The following SPOCK3 variants were observed in gnomAD, a reference collection of about 807,000 sequenced individuals.
The protein encoded by SPOCK3 is SPARC (osteonectin), cwcv and kazal like domains proteoglycan 3, also known as testican-3.
SPOCK3 carries 30 observed loss-of-function variants against 56.6 expected under a neutral mutation model. That is an observed-to-expected ratio of 0.53 (90% CI 0.40 to 0.72). SPOCK3 has a LOEUF of 0.72. Ranked by LOEUF, SPOCK3 falls within the 30% of genes least tolerant of loss-of-function variation. The pLI, the probability that SPOCK3 is intolerant of heterozygous loss-of-function variation, is 0.00. For missense variants in SPOCK3, 527 were observed against 530.0 expected (o/e 0.99, Z 0.06); for synonymous variants, 196 against 183.3 (o/e 1.07, Z -0.56).
At chr4:167,096,313 A>C (rs1273878766) in intron 2 of SPOCK3, among the ~76,000 whole-genome samples, 1 of 151,978 alleles carries the variant, frequency 6.6e-6, no homozygotes, top group Non-Finnish European at 1.5e-5. Flanking sequence ...AATAGAATAC[A>C]ATACTTTCTC....
intron 7 of SPOCK3, among the ~76,000 whole-genome samples, chr4:166,788,888 T>A (rs1351396693): frequency 2.6e-5 from 4 of 152,068 alleles, no homozygotes; most frequent in East Asian, 3.8e-4. Context: ...GCTGGCTAAT[T>A]TTTAAAAGAT....
intron 3 of SPOCK3, among the ~76,000 whole-genome samples, chr4:167,020,891 G>T (rs955063461): frequency 1.3e-5 from 2 of 152,014 alleles, no homozygotes; most frequent in African/African-American, 4.8e-5. Context: ...TAAAGTTGAA[G>T]AAGATGGGTG....
At chr4:167,156,362 C>G (rs956680122) in intron 2 of SPOCK3, among the ~76,000 whole-genome samples, 4 of 152,120 alleles carry the variant, frequency 2.6e-5, no homozygotes, top group African/African-American at 9.7e-5. Flanking sequence ...TAACTTAGAA[C>G]GCTTCCAGAT....
intron 2 of SPOCK3, among the ~76,000 whole-genome samples, chr4:167,088,699 G>A (rs574254180): frequency 5.3e-5 from 8 of 152,086 alleles, no homozygotes; most frequent in African/African-American, 1.4e-4. Context: ...TCTTGACTTC[G>A]TGATCGGCCC....
intron 6 of SPOCK3, among the ~76,000 whole-genome samples, chr4:166,809,689 T>A (rs1290785818): frequency 6.6e-6 from 1 of 152,078 alleles, no homozygotes; most frequent in Non-Finnish European, 1.5e-5. Context: ...GTTGATATAA[T>A]AATCAACTGA....
chr4:167,202,747 T>C (rs1281355803), intron 2 of SPOCK3, among the ~76,000 whole-genome samples: 2 of 150,342 alleles, frequency 1.3e-5, no homozygotes, highest in African/African-American at 4.9e-5. Context: ...AATAAACTTA[T>C]GTGTATTCAA....
At chr4:166,884,030 T>C (rs558493511) in intron 6 of SPOCK3, among the ~76,000 whole-genome samples, 53 of 152,300 alleles carry the variant, frequency 3.5e-4, no homozygotes, top group African/African-American at 1.3e-3. Context: ...AGAAGCAGTA[T>C]ATAACTACAT....
At chr4:166,850,959 G>T (rs1300107097) in intron 6 of SPOCK3, among the ~76,000 whole-genome samples, 4 of 152,236 alleles carry the variant, frequency 2.6e-5, no homozygotes, top group African/African-American at 9.6e-5. Context: ...ACTGGGTGGA[G>T]CCCACAACAG....
In SPOCK3 at chr4:166,734,778, T is replaced by C; in HGVS notation, c.*143A>G. 1 of 705,048 alleles carries C rather than the reference T, an allele frequency of 1.4e-6. No homozygotes were observed. The highest frequency in any genetic ancestry group is 2.9e-5 in the Admixed American group (1 of 34,332). The allele number at this position is 705,048 out of a possible 1,614,324, so 43.7% of individuals were successfully genotyped here. ...ATTTAAACATAAAGTTCTATAACTT[T>C]AGCTGCAATTTTTCAAATAATTATA... On this transcript the variant is annotated 3_prime_UTR_variant, in exon 11 of 11. Transcript: ENST00000357545.
intron 3 of SPOCK3, among the ~76,000 whole-genome samples, chr4:167,048,082 A>G (rs1753881431): frequency 6.6e-6 from 1 of 152,188 alleles, no homozygotes; most frequent in African/African-American, 2.4e-5. Flanking sequence ...CCTGAGTTCC[A>G]TATATGGTTT....
intron 6 of SPOCK3, among the ~76,000 whole-genome samples, chr4:166,847,798 T>A (rs991451190): frequency 4.6e-5 from 7 of 151,148 alleles, no homozygotes; most frequent in Admixed American, 6.6e-5. Flanking sequence ...TAGGCAGAAA[T>A]TGCTCTATAT....
intron 4 of SPOCK3, among the ~76,000 whole-genome samples, chr4:166,971,857 A>C (rs573282198): frequency 7.2e-5 from 11 of 152,098 alleles, no homozygotes; most frequent in Non-Finnish European, 1.5e-4. Context: ...GATTACTACT[A>C]CTACTAAGGA....
intron 6 of SPOCK3, among the ~76,000 whole-genome samples, chr4:166,851,860 C>A (rs1319075573): frequency 1.3e-5 from 2 of 151,492 alleles, no homozygotes. Flanking sequence ...ATGTTTATTG[C>A]GGCATTATTC....
intron 5 of SPOCK3, among the ~76,000 whole-genome samples, chr4:166,911,527 ATGTTTT>A (rs1028476175): frequency 3.9e-5 from 6 of 151,916 alleles, no homozygotes; most frequent in South Asian, 2.1e-4. Flanking sequence ...ATGTATTAAT[ATGTTTT>A]TGTTTTTGTT....
At chr4:167,102,004 CT>C (rs548521038) in intron 2 of SPOCK3, among the ~76,000 whole-genome samples, 65 of 149,070 alleles carry the variant, frequency 4.4e-4, no homozygotes, top group Non-Finnish European at 6.9e-4. Flanking sequence ...GGCCCTCTTA[CT>C]TTTTTTTTTC....
At chr4:167,219,344 A>G (rs367946429) in intron 2 of SPOCK3, among the ~76,000 whole-genome samples, 30 of 152,208 alleles carry the variant, frequency 2.0e-4, no homozygotes, top group African/African-American at 7.2e-4. Flanking sequence ...GCAAGCTCGT[A>G]TTTCAGAGTA....
intron 3 of SPOCK3, among the ~76,000 whole-genome samples, chr4:167,022,427 A>G (rs1217932290): frequency 6.6e-6 from 1 of 152,030 alleles, no homozygotes; most frequent in Non-Finnish European, 1.5e-5. Context: ...GTAGGAACAT[A>G]CCATCATTAA....
At chr4:166,846,229 G>A (rs1250404039) in intron 6 of SPOCK3, among the ~76,000 whole-genome samples, 2 of 151,804 alleles carry the variant, frequency 1.3e-5, no homozygotes, top group East Asian at 3.9e-4. Context: ...TGGCTAAGAA[G>A]GAAAATTAGA....
chr4:166,956,078 C>A (rs1743427302), intron 4 of SPOCK3, among the ~76,000 whole-genome samples: 1 of 152,062 alleles, frequency 6.6e-6, no homozygotes, highest in Non-Finnish European at 1.5e-5. Flanking sequence ...TAACCATGAT[C>A]TTTTCCTCCA....
Sources: allele counts gnomAD v4.1 joint callset (sites outside exome capture counted in the v4.1 genomes callset), GRCh38; gene constraint gnomAD v4.1.1; transcripts MANE v1.5; gene names NCBI Gene and HGNC (gene_info 2026-07-23, HGNC 2026-07-21).